TMPRSS6: variants seen among roughly 807,000 people sequenced by gnomAD.
The protein encoded by TMPRSS6 is transmembrane protease serine 6.
A neutral mutation model predicts 101.5 loss-of-function variants in TMPRSS6; 67 were observed. The observed-to-expected ratio is 0.66, with a 90% CI of 0.54 to 0.81. TMPRSS6 has a LOEUF of 0.81. Ranked by LOEUF, TMPRSS6 falls within the 30% of genes least tolerant of loss-of-function variation. The pLI is 0.00. For missense variants in TMPRSS6, 1,034 were observed against 1,088.7 expected, an observed-to-expected ratio of 0.95 and a Z score of 0.71; for synonymous variants, 453 against 464.9, an observed-to-expected ratio of 0.97 and a Z score of 0.33.
chr22:37,075,317 C>T, intron 10 of TMPRSS6, 37 bp from the exon 11 acceptor site: 2 of 1,611,494 alleles, frequency 1.2e-6, no homozygotes, highest in South Asian at 1.1e-5. Context: ...GCTGCACTGG[C>T]TGGTCTCCTG....
intron 10 of TMPRSS6, among the ~76,000 whole-genome samples, chr22:37,079,691 G>A (rs1015402474): frequency 2.6e-5 from 4 of 152,222 alleles, no homozygotes; most frequent in Admixed American, 2.0e-4. Context: ...GCAAGCTTTA[G>A]TTTTCACATT....
chr22:37,099,340 C>T (rs1057313095), intron 2 of TMPRSS6, among the ~76,000 whole-genome samples: 2 of 152,182 alleles, frequency 1.3e-5, no homozygotes, highest in Non-Finnish European at 2.9e-5. Flanking sequence ...GGAGGGGCGG[C>T]AAGGAGCTGG....
upstream of TMPRSS6, among the ~76,000 whole-genome samples, chr22:37,110,437 C>T (rs1014758840): frequency 2.0e-5 from 3 of 152,144 alleles, no homozygotes; most frequent in East Asian, 3.9e-4. Context: ...AGCGACCGCA[C>T]GCAGCATGAA....
intron 6 of TMPRSS6, among the ~76,000 whole-genome samples, chr22:37,090,310 G>A (rs537089273): frequency 2.4e-4 from 37 of 152,352 alleles, no homozygotes; most frequent in African/African-American, 8.2e-4. Flanking sequence ...CAGCCATAGG[G>A]AGCCACAGAA....
chr22:37,100,247 G>A (rs551187597), intron 2 of TMPRSS6, among the ~76,000 whole-genome samples: 5 of 152,380 alleles, frequency 3.3e-5, no homozygotes, highest in Non-Finnish European at 7.3e-5. Flanking sequence ...GATTACGGGC[G>A]TGAGCCACGC....
At chr22:37,073,179 G>GATGC (rs1927301267) in intron 13 of TMPRSS6, among the ~76,000 whole-genome samples, 1 of 151,692 alleles carries the variant, frequency 6.6e-6, no homozygotes, top group African/African-American at 2.4e-5. Flanking sequence ...TGGATGGATG[G>GATGC]ATGGATGGAT....
chr22:37,096,843 C>G (rs1929810119), intron 3 of TMPRSS6, 128 bp from the exon 4 acceptor site: 1 of 929,058 alleles, frequency 1.1e-6, no homozygotes, highest in South Asian at 1.4e-5. Flanking sequence ...GGTGGACAGG[C>G]TTGATCACGG....
chr22:37,094,185 T>C (rs1569019509), intron 6 of TMPRSS6, among the ~76,000 whole-genome samples: 1 of 152,246 alleles, frequency 6.6e-6, no homozygotes, highest in African/African-American at 2.4e-5. Flanking sequence ...TACTATTGGT[T>C]GTAGATTATC....
In TMPRSS6 at chr22:37,098,503, C is replaced by A. The variant is rs753603545; in HGVS notation, c.249G>T (p.Leu83=). 7 of 1,614,142 alleles carry A rather than the reference C, an allele frequency of 4.3e-6. No homozygotes were observed. In the South Asian group the frequency reaches 6.6e-5, roughly 15 times the overall value. The change falls in exon 3 of 18, where the codon CTG becomes CTT. Residue 83 remains leucine (L), a synonymous_variant. Coordinates refer to ENST00000676104, the MANE Select transcript of TMPRSS6 (RefSeq NM_001374504.1). ...GGGAGAAGTGGCGATTGAGTACACGCAGACTGCCTGAGTACACCTGGCTGA... is the reference window on the plus strand; with the variant it reads ...GGGAGAAGTGGCGATTGAGTACACGAAGACTGCCTGAGTACACCTGGCTGA... ...VMVSQVYSGS[L]RVLNRHFSQD... is the part of the protein sequence containing the mutation.
chr22:37,098,752 C>T (rs1930047160), intron 2 of TMPRSS6, among the ~76,000 whole-genome samples: 1 of 152,194 alleles, frequency 6.6e-6, no homozygotes, highest in African/African-American at 2.4e-5. Context: ...GACAAACTGG[C>T]TGCAAGGTAC....
intron 10 of TMPRSS6, among the ~76,000 whole-genome samples, chr22:37,078,635 C>T (rs1047942555): frequency 1.7e-4 from 26 of 151,636 alleles, no homozygotes; most frequent in African/African-American, 5.6e-4. Flanking sequence ...CATTGAGTCG[C>T]GAGCTAATTT....
Position 37,096,097 on chromosome 22 carries a change from C to T in TMPRSS6, c.405-7G>A, listed in dbSNP as rs1569021714. 8 of 1,614,068 alleles carry T rather than the reference C, an allele frequency of 5.0e-6. No individual in the cohort carries two copies. Among genetic ancestry groups the T allele is most frequent in the Non-Finnish European group, 6.8e-6 (8 of 1,180,030 alleles). On this transcript the variant is annotated splice_polypyrimidine_tract_variant and splice_region_variant and intron_variant, in intron 4 of 17. Transcript: ENST00000676104. ...GCAGGTGAGGGGTCCCTCCCTAAGG[C>T]AGGCAGAAGTGAGAGAGGCCAGGGA...
upstream of TMPRSS6, among the ~76,000 whole-genome samples, chr22:37,110,013 TGA>T (rs537593527): frequency 6.6e-6 from 1 of 151,388 alleles, no homozygotes; most frequent in Non-Finnish European, 1.5e-5. Context: ...GCTGCTGGCC[TGA>T]GAGAGAGAAA....
chr22:37,068,195 C>T (rs1192014553), intron 16 of TMPRSS6, among the ~76,000 whole-genome samples: 1 of 152,130 alleles, frequency 6.6e-6, no homozygotes, highest in South Asian at 2.1e-4. Context: ...AACCCCACGC[C>T]TGGTACGTAC....
chr22:37,082,915 G>A (rs1928379939), intron 10 of TMPRSS6: 1 of 459,480 alleles, frequency 2.2e-6, no homozygotes, highest in Non-Finnish European at 4.5e-6. Context: ...AGCAAACCTT[G>A]TCATTCTTCG....
At chr22:37,096,844 T>A (rs1365460700) in intron 3 of TMPRSS6, 129 bp from the exon 4 acceptor site, 2 of 909,570 alleles carry the variant, frequency 2.2e-6, no homozygotes, top group Non-Finnish European at 3.5e-6. Flanking sequence ...GTGGACAGGC[T>A]TGATCACGGT....
In TMPRSS6 at chr22:37,084,665, C is replaced by T; in HGVS notation, c.1086+62G>A. On this transcript the variant is annotated intron_variant, in intron 9 of 17. Coordinates refer to ENST00000676104, the MANE Select transcript of TMPRSS6 (RefSeq NM_001374504.1). ...GACACTGCCCCCTCTCATCCCGGGT[C>T]ACCAGGGACCTGTAGTGTGCTTGCG... The T allele has an allele frequency of 3.6e-6, 5 of 1,395,860 alleles. No homozygotes were observed. The South Asian group carries it at 6.2e-5, about 17-fold the overall frequency. 86.5% of individuals were successfully genotyped at this position (1,395,860 alleles called of 1,614,324 possible).
intron 6 of TMPRSS6, among the ~76,000 whole-genome samples, chr22:37,092,533 G>A (rs140851959): frequency 0.018 from 2,481 of 136,006 alleles, 27 homozygotes; most frequent in Non-Finnish European, 0.025. Context: ...ATTTGCTCTT[G>A]CTGCCCAGGC....
rs1487201335 is a variant in TMPRSS6, at chr22:37,067,555, G to GC, written c.2114-594dup. Among the ~76,000 whole-genome samples the GC allele has an allele frequency of 2.0e-5, 3 of 152,150 alleles. No individual in the cohort carries two copies. In the East Asian group the frequency reaches 5.8e-4, roughly 29 times the overall value. On this transcript the variant is annotated intron_variant, in intron 16 of 17. Transcript: ENST00000676104. Reference sequence around the variant, plus strand: ...TTGTCCCCCACCTCTGTCTGCTGAGGCACCTCTGGGCTCTGGCTGGCTCCT... The same window carrying GC: ...TTGTCCCCCACCTCTGTCTGCTGAGGCCACCTCTGGGCTCTGGCTGGCTCCT...
Sources: gnomAD v4.1 joint callset for allele counts (sites outside exome capture counted in the v4.1 genomes callset) on GRCh38, gnomAD v4.1.1 for gene constraint, MANE v1.5 for transcripts, NCBI Gene and HGNC (gene_info 2026-07-23, HGNC 2026-07-21) for gene names.